Variants in SLC36A1 observed in about 807,000 individuals in gnomAD.
SLC36A1 encodes the protein solute carrier family 36 member 1.
Under a neutral mutation model 47.5 loss-of-function variants are expected in SLC36A1, and 30 were observed. The observed-to-expected ratio is 0.63, with a 90% CI of 0.47 to 0.86. The LOEUF is 0.86. Among genes scored for constraint, SLC36A1 ranks in the 40% least tolerant of loss-of-function variants. The probability of loss-of-function intolerance (pLI) is 0.00; values close to 1 mark genes in which losing one functional copy is unlikely to be tolerated. For missense variants in SLC36A1, 517 were observed against 606.0 expected, an observed-to-expected ratio of 0.85 and a Z score of 1.54; for synonymous variants, 255 against 249.7, an observed-to-expected ratio of 1.02 and a Z score of -0.20.
the SLC36A1 span, among the ~76,000 whole-genome samples, chr5:151,498,276 A>G: frequency 6.6e-6 from 1 of 152,164 alleles, no homozygotes; most frequent in Non-Finnish European, 1.5e-5. Flanking sequence ...TATTATGGCC[A>G]TGGAACAAAG....
chr5:151,548,790 T>G, the SLC36A1 span, among the ~76,000 whole-genome samples: 7 of 152,304 alleles, frequency 4.6e-5, no homozygotes, highest in South Asian at 6.2e-4. Flanking sequence ...CAACATACAT[T>G]TTCTCTTTTA....
At chr5:151,401,428 C>T in the SLC36A1 span, among the ~76,000 whole-genome samples, 8 of 152,116 alleles carry the variant, frequency 5.3e-5, no homozygotes, top group African/African-American at 1.9e-4. Context: ...GTTACTGTAA[C>T]CTTGTAGTGT....
chr5:151,544,244 A>T, the SLC36A1 span: 1 of 1,614,222 alleles, frequency 6.2e-7, no homozygotes, highest in Non-Finnish European at 8.5e-7. Flanking sequence ...TCAGAAGCCA[A>T]CAGTTGGATC....
Position 151,490,235 on chromosome 5 carries a change from T to C in SLC36A1, c.*1981T>C, listed in dbSNP as rs897925711. 6.6e-6 allele frequency: 1 copy of C among 152,122 alleles called. No homozygotes were observed. Among genetic ancestry groups the C allele is most frequent in the East Asian group, 1.9e-4 (1 of 5,196 alleles). The allele number at this position is 152,122 out of a possible 1,614,324, so 9.4% of individuals were successfully genotyped here. On this transcript the variant is annotated 3_prime_UTR_variant, in exon 11 of 11. Transcript: ENST00000243389. ...ATGTGACCAGGAATCTAGCCGGGAGTAGCAGAGGCCCTGTCTTCTGAAGTC... is the reference window on the plus strand; with the variant it reads ...ATGTGACCAGGAATCTAGCCGGGAGCAGCAGAGGCCCTGTCTTCTGAAGTC...
intron 1 of SLC36A1, chr5:151,451,191 T>G (rs1753605352): frequency 7.6e-6 from 1 of 131,966 alleles, no homozygotes; most frequent in African/African-American, 4.4e-5. Context: ...GGGCCAGTTC[T>G]TTTTTTACTT....
chr5:151,512,735 C>T, the SLC36A1 span: 2 of 834,526 alleles, frequency 2.4e-6, no homozygotes, highest in Non-Finnish European at 3.7e-6. The surrounding 1 kb of genome is among the most constrained non-coding windows in gnomAD (Gnocchi z 4.1). Context: ...CTGTTTTAGA[C>T]ATGGCATTTG....
At chr5:151,444,515 G>C (rs368015269), upstream of SLC36A1, among the ~76,000 whole-genome samples, 1 of 151,824 alleles carries the variant, frequency 6.6e-6, no homozygotes, top group East Asian at 1.9e-4. Flanking sequence ...TTTTGAGATG[G>C]AGTCTCACTC....
chr5:151,493,273 A>G (rs7714380), downstream of SLC36A1, among the ~76,000 whole-genome samples: 9,851 of 152,196 alleles, frequency 0.065, 357 homozygotes, highest in African/African-American at 0.1. Context: ...CAAGCATACA[A>G]TCACTTCTGC....
At chr5:151,549,740 AAGAC>A in the SLC36A1 span, among the ~76,000 whole-genome samples, 6 of 152,220 alleles carry the variant, frequency 3.9e-5, no homozygotes, top group African/African-American at 1.4e-4. Context: ...TTTTAGGAGA[AAGAC>A]AGAAATAGGC....
chr5:151,445,280 T>C (rs1752853131), upstream of SLC36A1, among the ~76,000 whole-genome samples: 1 of 152,222 alleles, frequency 6.6e-6, no homozygotes, highest in Non-Finnish European at 1.5e-5. Flanking sequence ...TGATGTATTA[T>C]ATTGCTTGAT....
At chr5:151,476,457 T>C in intron 8 of SLC36A1, 133 bp from the exon 9 acceptor site, 1 of 669,862 alleles carries the variant, frequency 1.5e-6, no homozygotes, top group South Asian at 2.6e-5. Context: ...AATAACTTTA[T>C]TTAAAGAGCA....
the SLC36A1 span, among the ~76,000 whole-genome samples, chr5:151,415,169 CA>C: frequency 3.3e-5 from 5 of 152,120 alleles, no homozygotes; most frequent in African/African-American, 1.2e-4. Context: ...TTCCCCCATG[CA>C]AAAAATCAAC....
chr5:151,459,046 C>T, intron 2 of SLC36A1, 111 bp downstream of exon 2: 1 of 1,245,382 alleles, frequency 8.0e-7, no homozygotes, highest in Non-Finnish European at 1.1e-6. Flanking sequence ...AGATGAAGGT[C>T]AGCAGTGAAG....
At chr5:151,376,145 CTTG>C in the SLC36A1 span, among the ~76,000 whole-genome samples, 1 of 152,062 alleles carries the variant, frequency 6.6e-6, no homozygotes, top group Non-Finnish European at 1.5e-5. Flanking sequence ...GTATACGGCC[CTTG>C]TTGTTTTGAG....
At chr5:151,521,761 G>A in the SLC36A1 span, 22 of 1,614,072 alleles carry the variant, frequency 1.4e-5, no homozygotes, top group African/African-American at 2.7e-5. Flanking sequence ...CCCAGCAGTC[G>A]TGGTGAAGGT....
intron 10 of SLC36A1, among the ~76,000 whole-genome samples, chr5:151,483,476 A>C (rs1759084357): frequency 6.9e-6 from 1 of 144,332 alleles, no homozygotes; most frequent in Admixed American, 6.9e-5. Context: ...TTTGTTATAC[A>C]AATGTCTTCC....
chr5:151,466,566 G>T (rs1200827530), intron 5 of SLC36A1, among the ~76,000 whole-genome samples: 2 of 152,212 alleles, frequency 1.3e-5, no homozygotes, highest in Non-Finnish European at 2.9e-5. Flanking sequence ...GTTACCAGCT[G>T]CTATTGTTCA....
At chr5:151,543,404 G>A in the SLC36A1 span, 1 of 1,613,992 alleles carries the variant, frequency 6.2e-7, no homozygotes, top group Non-Finnish European at 8.5e-7. Flanking sequence ...TCATCTGTGA[G>A]GATGATCTTC....
chr5:151,503,034 T>C, the SLC36A1 span, among the ~76,000 whole-genome samples: 2 of 148,110 alleles, frequency 1.4e-5, no homozygotes, highest in East Asian at 1.9e-4. Context: ...GCTGGAAAAC[T>C]ATGGAGACAG....
Sources: allele counts gnomAD v4.1 joint callset (sites outside exome capture counted in the v4.1 genomes callset), GRCh38; gene constraint gnomAD v4.1.1; non-coding constraint Gnocchi (gnomAD v3.1); transcripts MANE v1.5; gene names NCBI Gene and HGNC (gene_info 2026-07-23, HGNC 2026-07-21).